The following USP34 variants were observed in gnomAD, a reference collection of about 807,000 sequenced individuals.
USP34 encodes the protein ubiquitin carboxyl-terminal hydrolase 34.
In USP34, 70 loss-of-function variants were observed where a neutral mutation model predicts 460.3. The ratio of observed to expected loss-of-function variants is 0.15; its 90% confidence interval spans 0.13 to 0.19. USP34 has a LOEUF of 0.19. USP34 is among the 10% of genes least tolerant of loss of function. The probability of loss-of-function intolerance (pLI) is 1.00; values close to 1 mark genes in which losing one functional copy is unlikely to be tolerated. For missense variants in USP34, 3,985 were observed against 4,236.2 expected, an observed-to-expected ratio of 0.94 and a Z score of 1.65; for synonymous variants, 1,647 against 1,405.3, an observed-to-expected ratio of 1.17 and a Z score of -3.85.
chr2:61,289,821 C>T (rs1418182896), intron 33 of USP34, among the ~76,000 whole-genome samples: 2 of 152,018 alleles, frequency 1.3e-5, no homozygotes, highest in African/African-American at 4.8e-5. Flanking sequence ...AAAGAAAAGA[C>T]TATAAAACTT....
At chr2:61,387,387 C>A (rs1336848341) in intron 5 of USP34, among the ~76,000 whole-genome samples, 1 of 151,886 alleles carries the variant, frequency 6.6e-6, no homozygotes, top group Non-Finnish European at 1.5e-5. Flanking sequence ...ATCGCTTGAA[C>A]CCAGGAGGTG....
intron 1 of USP34, among the ~76,000 whole-genome samples, chr2:61,429,434 G>C (rs371462629): frequency 6.6e-6 from 1 of 152,144 alleles, no homozygotes; most frequent in Non-Finnish European, 1.5e-5. Context: ...GCAACAGAGC[G>C]AGACTCCGTC....
chr2:61,413,400 A>AAAT (rs1279973474), intron 2 of USP34, among the ~76,000 whole-genome samples: 1 of 149,440 alleles, frequency 6.7e-6, no homozygotes, highest in East Asian at 2.0e-4. Flanking sequence ...AAAAAAATTA[A>AAAT]AATAAAAAAA....
rs1265406022 is a variant in USP34 at position 61,218,859 on chromosome 2, T to C, written c.8047+1451A>G. Among the ~76,000 whole-genome samples, 3 of 152,308 alleles carry C rather than the reference T, an allele frequency of 2.0e-5. No individual in the cohort carries two copies. In the East Asian group the frequency reaches 5.8e-4, roughly 29 times the overall value. On this transcript the variant is annotated intron_variant, in intron 67 of 79. Transcript: ENST00000398571. ...TCAAGGGTACACACTATCAACCTCA[T>C]TGATTACCAATGATGTTAATTAACC...
intron 1 of USP34, among the ~76,000 whole-genome samples, chr2:61,426,674 C>A (rs994953909): frequency 1.2e-4 from 18 of 152,224 alleles, no homozygotes; most frequent in Non-Finnish European, 2.4e-4. Flanking sequence ...GCTGGCTTTG[C>A]CAACTGCTGA....
intron 27 of USP34, among the ~76,000 whole-genome samples, chr2:61,309,121 G>A (rs575367048): frequency 6.6e-6 from 1 of 152,146 alleles, no homozygotes; most frequent in Non-Finnish European, 1.5e-5. Flanking sequence ...AATGATGAAA[G>A]CAAGAAACAA....
At chr2:61,468,934 C>T (rs1481076212) in intron 1 of USP34, among the ~76,000 whole-genome samples, 1 of 152,146 alleles carries the variant, frequency 6.6e-6, no homozygotes, top group Non-Finnish European at 1.5e-5. Context: ...ATCAGCCAGG[C>T]GCAGTGGCTC....
intron 1 of USP34, among the ~76,000 whole-genome samples, chr2:61,442,945 T>C (rs984099459): frequency 2.4e-5 from 3 of 127,128 alleles, no homozygotes; most frequent in Non-Finnish European, 3.6e-5. Context: ...AGAGGAATAT[T>C]ATACATCCAT....
At chr2:61,220,860 G>A (rs1264504580) in intron 66 of USP34, among the ~76,000 whole-genome samples, 1 of 152,210 alleles carries the variant, frequency 6.6e-6, no homozygotes, top group African/African-American at 2.4e-5. Context: ...GCTGTGGAGA[G>A]TTTCTTCATG....
At chr2:61,435,880 G>A (rs1016644571) in intron 1 of USP34, among the ~76,000 whole-genome samples, 3 of 151,820 alleles carry the variant, frequency 2.0e-5, no homozygotes, top group African/African-American at 7.3e-5. Context: ...ATACAAAAAT[G>A]AGCCGGGCAT....
chr2:61,385,689 A>AAAAAAAAAAAAAAAC, intron 5 of USP34, among the ~76,000 whole-genome samples: 1 of 148,892 alleles, frequency 6.7e-6, no homozygotes, highest in African/African-American at 2.5e-5. Flanking sequence ...AAAAAAAAAA[A>AAAAAAAAAAAAAAAC]AAAAAGAAAT....
In USP34 at chr2:61,470,100, G is replaced by A. The variant is rs865852541; in HGVS notation, c.43+550C>T. On this transcript the variant is annotated intron_variant, in intron 1 of 79. Coordinates refer to ENST00000398571, the MANE Select transcript of USP34 (RefSeq NM_014709.4). ...GAAGGTTCCAATCATCACTATCACAGTTCGTTTTCAGCTATTTAAGGTCTG... is the reference window on the plus strand; with the variant it reads ...GAAGGTTCCAATCATCACTATCACAATTCGTTTTCAGCTATTTAAGGTCTG... Among the ~76,000 whole-genome samples the A allele has an allele frequency of 7.2e-5, 11 of 152,268 alleles. No individual in the cohort carries two copies. In the South Asian group the frequency reaches 1.9e-3, roughly 26 times the overall value.
chr2:61,235,953 A>T (rs1558482326), intron 56 of USP34, 43 bp from the exon 57 acceptor site: 1 of 1,599,188 alleles, frequency 6.3e-7, no homozygotes, highest in South Asian at 1.1e-5. Context: ...CTTCTGAGCC[A>T]ACAATAACAA....
intron 1 of USP34, among the ~76,000 whole-genome samples, chr2:61,452,793 G>A (rs1246139995): frequency 2.0e-5 from 3 of 150,882 alleles, no homozygotes; most frequent in African/African-American, 7.3e-5. Flanking sequence ...GCTGACATAA[G>A]AGGATCGCTT....
In USP34 at chr2:61,192,002, A is replaced by G. The variant is rs548911541; in HGVS notation, c.9588+899T>C. Among the ~76,000 whole-genome samples the G allele has an allele frequency of 8.5e-5, 13 of 152,218 alleles. No individual in the cohort carries two copies. In the South Asian group the frequency reaches 2.3e-3, roughly 27 times the overall value. On this transcript the variant is annotated intron_variant, in intron 76 of 79. Transcript: ENST00000398571. ...TCTTCAGGGGATGGAGATGACTCTG[A>G]TAAGGTCTCTACACTTGAGTTCTGT...
At chr2:61,283,572 TGTGA>T (rs1008834000) in intron 35 of USP34, 123 bp from the exon 36 acceptor site, 75 of 919,094 alleles carry the variant, frequency 8.2e-5, no homozygotes, top group South Asian at 6.2e-4. Context: ...GCAGTGGGTG[TGTGA>T]GTGAGAGTGA....
intron 7 of USP34, among the ~76,000 whole-genome samples, chr2:61,379,102 G>T (rs139786834): frequency 1.9e-4 from 29 of 152,204 alleles, no homozygotes; most frequent in African/African-American, 6.7e-4. Context: ...ATCCACTCAA[G>T]ATTTAATTTA....
At chr2:61,223,539 A>G (rs908034314) in intron 62 of USP34, 3 of 461,518 alleles carry the variant, frequency 6.5e-6, no homozygotes, top group Non-Finnish European at 1.1e-5. Context: ...CTATTTTAGT[A>G]TATAAAACAG....
intron 33 of USP34, among the ~76,000 whole-genome samples, chr2:61,290,071 A>T (rs988723331): frequency 2.0e-5 from 3 of 152,162 alleles, no homozygotes; most frequent in African/African-American, 7.2e-5. Context: ...AAAAGAAGAT[A>T]AACACACAAT....
Sources: gnomAD v4.1 joint callset for allele counts (sites outside exome capture counted in the v4.1 genomes callset) on GRCh38, gnomAD v4.1.1 for gene constraint, MANE v1.5 for transcripts, NCBI Gene and HGNC (gene_info 2026-07-23, HGNC 2026-07-21) for gene names.